Variants in MTRES1 observed in about 807,000 individuals in gnomAD.
MTRES1 encodes the protein mitochondrial transcription rescue factor 1.
A neutral mutation model predicts 17.4 loss-of-function variants in MTRES1; 11 were observed. The observed-to-expected ratio is 0.63, with a 90% CI of 0.40 to 1.05. The LOEUF (loss-of-function observed/expected upper bound fraction) is 1.05. MTRES1 is among the 50% of genes least tolerant of loss of function. The probability of loss-of-function intolerance (pLI) is 0.00; values close to 1 mark genes in which losing one functional copy is unlikely to be tolerated. For synonymous variants in MTRES1, 94 were observed against 99.6 expected, an observed-to-expected ratio of 0.94 and a Z score of 0.34; for missense variants, 268 against 276.2, an observed-to-expected ratio of 0.97 and a Z score of 0.21.
chr6:107,044,385 A>G (rs1774323274), intron 3 of MTRES1, 53 bp downstream of exon 3: 10 of 1,430,262 alleles, frequency 7.0e-6, no homozygotes, highest in African/African-American at 2.8e-5. Flanking sequence ...TTACTCTGCT[A>G]GTAACTCAAT....
At chr6:107,036,588 A>C (rs1414203871) in intron 1 of MTRES1, among the ~76,000 whole-genome samples, 4 of 151,998 alleles carry the variant, frequency 2.6e-5, no homozygotes, top group Non-Finnish European at 5.9e-5. Context: ...TCACGCCTCT[A>C]ATCCCAGCAC....
rs1477766270 is a variant in MTRES1 at position 107,029,932 on chromosome 6, C to T, written c.-13+1661C>T. On this transcript the variant is annotated intron_variant, in intron 1 of 3. Transcript: ENST00000311381. ...ATCTTGCCCTCTCAATCCCCCTTAC[C>T]CTGCTCCACTTTCTTCCCCCAGTGC... is the stretch of plus-strand genomic sequence containing the variant. 4 of 631,308 alleles carry T rather than the reference C, an allele frequency of 6.3e-6. No homozygotes were observed. The East Asian group carries it at 1.1e-4, about 17-fold the overall frequency. 39.1% of individuals were successfully genotyped at this position (631,308 alleles called of 1,614,324 possible). A position where few individuals can be genotyped will look rare whatever the true frequency, so the allele number is the denominator to read the frequency against.
At chr6:107,048,561 C>T (rs1233886090) in intron 3 of MTRES1, among the ~76,000 whole-genome samples, 3 of 151,586 alleles carry the variant, frequency 2.0e-5, no homozygotes, top group Non-Finnish European at 4.4e-5. Context: ...GCAGGTGGAT[C>T]ATGAGGTCAA....
At chr6:107,050,673 TC>T (rs1554229070) in intron 3 of MTRES1, among the ~76,000 whole-genome samples, 1 of 148,416 alleles carries the variant, frequency 6.7e-6, no homozygotes. Context: ...ACTTCCCGGG[TC>T]CAAGCGATTC....
intron 1 of MTRES1, among the ~76,000 whole-genome samples, chr6:107,030,405 A>C (rs577616844): frequency 6.6e-6 from 1 of 152,206 alleles, no homozygotes; most frequent in Admixed American, 6.6e-5. Context: ...AAGACTCAGC[A>C]CGTAGTCATA....
At position 107,051,102 on chromosome 6, in the gene MTRES1, G is replaced by A; in HGVS notation, c.589G>A (p.Glu197Lys). 6.2e-7 allele frequency: 1 copy of A among 1,613,812 alleles called. No individual in the cohort carries two copies. The highest frequency in any genetic ancestry group is 2.2e-5 in the East Asian group (1 of 44,876). Reference protein sequence around the residue: ...TLDLLIGEDKEAGTETVMRIL... With the variant: ...TLDLLIGEDKKAGTETVMRIL... The stretch of plus-strand genomic sequence containing the variant: ...GGATCTTCTCATTGGAGAGGATAAA[G>A]AAGCAGGAACAGAGACAGTTATGCG... The change falls in exon 4 of 4, where the codon GAA becomes AAA. Residue 197 changes from glutamate (E) to lysine (K), a missense_variant. Glu to Lys is a moderately conservative substitution (Grantham distance 56). Transcript: ENST00000311381.
At chr6:107,045,901 G>C (rs1774374289) in intron 3 of MTRES1, among the ~76,000 whole-genome samples, 2 of 152,164 alleles carry the variant, frequency 1.3e-5, no homozygotes, top group Non-Finnish European at 2.9e-5. Context: ...ACTACATCCG[G>C]TTGCCCTAGG....
At chr6:107,048,778 CAAAAAAAA>C (rs10599769) in intron 3 of MTRES1, among the ~76,000 whole-genome samples, 1 of 112,914 alleles carries the variant, frequency 8.9e-6, no homozygotes, top group African/African-American at 3.5e-5. Context: ...GACTCCATGT[CAAAAAAAA>C]AAAAAAAAGA....
chr6:107,044,358 C>G (rs782638702), intron 3 of MTRES1, 26 bp downstream of exon 3: 1 of 1,583,944 alleles, frequency 6.3e-7, no homozygotes, highest in African/African-American at 1.3e-5. Context: ...AAAATGACAG[C>G]CAGATGTTTT....
At position 107,039,818 on chromosome 6, in the gene MTRES1, A is replaced by G; in HGVS notation, c.58A>G (p.Ile20Val). 1 of 1,613,446 alleles carries G rather than the reference A, an allele frequency of 6.2e-7. No homozygotes were observed. The highest frequency in any genetic ancestry group is 8.5e-7 in the Non-Finnish European group (1 of 1,179,740). Residue 20 changes from isoleucine (I) to valine (V), a missense_variant, in exon 2 of 4, where the codon ATT (isoleucine) becomes GTT (valine). Physicochemically the swap from Ile to Val is conservative, Grantham distance 29. Transcript: ENST00000311381. ...TGTTTTAAGAAAGCCAGATGCCTGGATTGGACTCTGGGGTGTTCTCCGAGG... is the reference window on the plus strand; with the variant it reads ...TGTTTTAAGAAAGCCAGATGCCTGGGTTGGACTCTGGGGTGTTCTCCGAGG... ...AGVLRKPDAW[I>V]GLWGVLRGTP...
chr6:107,049,910 G>C (rs1353406781), intron 3 of MTRES1, among the ~76,000 whole-genome samples: 1 of 151,980 alleles, frequency 6.6e-6, no homozygotes, highest in Non-Finnish European at 1.5e-5. Flanking sequence ...TAGTAGAGAC[G>C]GGGTTTCACC....
chr6:107,040,261 C>T (rs371551860), intron 2 of MTRES1, 31 bp downstream of exon 2: 10 of 1,540,858 alleles, frequency 6.5e-6, no homozygotes, highest in East Asian at 2.3e-5. Context: ...ATTATAAACT[C>T]GCTCGTAGTC....
At chr6:107,036,432 G>C (rs1287835571) in intron 1 of MTRES1, among the ~76,000 whole-genome samples, 1 of 152,018 alleles carries the variant, frequency 6.6e-6, no homozygotes, top group Non-Finnish European at 1.5e-5. Flanking sequence ...AATCGCAGCT[G>C]CTCAGGAGGC....
At chr6:107,031,667 C>T (rs967572466) in intron 1 of MTRES1, among the ~76,000 whole-genome samples, 6 of 151,726 alleles carry the variant, frequency 4.0e-5, no homozygotes, top group African/African-American at 1.5e-4. Context: ...ATGGCGCAAT[C>T]TCAGCTCACT....
intron 3 of MTRES1, among the ~76,000 whole-genome samples, chr6:107,045,937 G>C (rs942839269): frequency 1.3e-5 from 2 of 152,210 alleles, no homozygotes; most frequent in Non-Finnish European, 2.9e-5. Flanking sequence ...GCTGTCGGCT[G>C]TCAGCCGTGC....
chr6:107,036,286 A>G (rs1325343311), intron 1 of MTRES1, among the ~76,000 whole-genome samples: 1 of 152,112 alleles, frequency 6.6e-6, no homozygotes, highest in Non-Finnish European at 1.5e-5. Context: ...GCTCACACCT[A>G]TAATCTCAGC....
chr6:107,044,223 C>T, intron 2 of MTRES1, 37 bp from the exon 3 acceptor site: 1 of 1,540,174 alleles, frequency 6.5e-7, no homozygotes, highest in Non-Finnish European at 9.0e-7. Flanking sequence ...ACCCATCACC[C>T]AAATTGTGTA....
chr6:107,045,494 A>G (rs1044802047), intron 3 of MTRES1, among the ~76,000 whole-genome samples: 22 of 152,334 alleles, frequency 1.4e-4, no homozygotes, highest in Admixed American at 3.9e-4. Context: ...AAAAAAAAAA[A>G]AAAAATTCTG....
chr6:107,046,495 C>A (rs1357778500), intron 3 of MTRES1, among the ~76,000 whole-genome samples: 1 of 152,158 alleles, frequency 6.6e-6, no homozygotes, highest in African/African-American at 2.4e-5. Context: ...TACTAGGAGG[C>A]CTGGTAGCCA....
Sources: gnomAD v4.1 joint callset for allele counts (sites outside exome capture counted in the v4.1 genomes callset) on GRCh38, gnomAD v4.1.1 for gene constraint, MANE v1.5 for transcripts, NCBI Gene and HGNC (gene_info 2026-07-23, HGNC 2026-07-21) for gene names.